Variants in PTPRM observed in about 807,000 individuals in gnomAD.
The protein encoded by PTPRM is receptor-type tyrosine-protein phosphatase mu.
A neutral mutation model predicts 186.7 loss-of-function variants in PTPRM; 47 were observed. That is an observed-to-expected ratio of 0.25 (90% CI 0.20 to 0.32). The LOEUF is 0.32. Among genes scored for constraint, PTPRM ranks in the 10% least tolerant of loss-of-function variants. The pLI is 1.00. For synonymous variants in PTPRM, 668 were observed against 674.9 expected (o/e 0.99, Z 0.16); for missense variants, 1,494 against 1,865.0 (o/e 0.80, Z 3.66).
At chr18:8,261,269 T>C (rs2094628440) in intron 19 of PTPRM, among the ~76,000 whole-genome samples, 1 of 152,208 alleles carries the variant, frequency 6.6e-6, no homozygotes, top group South Asian at 2.1e-4. Context: ...GGGGAGGCAC[T>C]GGCAGGCACT....
intron 21 of PTPRM, among the ~76,000 whole-genome samples, chr18:8,317,812 C>T (rs148064639): frequency 1.6e-4 from 25 of 152,296 alleles, no homozygotes; most frequent in Non-Finnish European, 3.1e-4. Context: ...CTCTGGGTGA[C>T]TTCACCATCA....
intron 22 of PTPRM, among the ~76,000 whole-genome samples, chr18:8,327,491 T>C (rs1598317630): frequency 6.6e-6 from 1 of 152,324 alleles, no homozygotes; most frequent in South Asian, 2.1e-4. Context: ...GCACCACCTG[T>C]CTTGTAGTGA....
intron 2 of PTPRM, among the ~76,000 whole-genome samples, chr18:7,791,062 T>C (rs905768885): frequency 6.6e-6 from 1 of 152,226 alleles, no homozygotes; most frequent in African/African-American, 2.4e-5. Context: ...AAGACTCATC[T>C]TACAAATGTG....
intron 1 of PTPRM, among the ~76,000 whole-genome samples, chr18:7,773,570 G>GTTT (rs10708698): frequency 4.6e-4 from 59 of 129,012 alleles, no homozygotes; most frequent in Non-Finnish European, 7.6e-4. Context: ...TCTTTTCTTT[G>GTTT]TTTTTTTTTT....
chr18:8,386,222 GA>G (rs748593412), intron 30 of PTPRM, among the ~76,000 whole-genome samples: 32 of 152,214 alleles, frequency 2.1e-4, no homozygotes, highest in Non-Finnish European at 4.3e-4. Flanking sequence ...AGAGAGGGCT[GA>G]ACCAGATATA....
At chr18:7,874,065 T>C (rs999720924) in intron 2 of PTPRM, among the ~76,000 whole-genome samples, 1 of 152,024 alleles carries the variant, frequency 6.6e-6, no homozygotes, top group South Asian at 2.1e-4. Flanking sequence ...CAGAACAAGC[T>C]GCAGAGGAAT....
intron 3 of PTPRM, among the ~76,000 whole-genome samples, chr18:7,892,551 C>G (rs959053093): frequency 2.0e-5 from 3 of 152,216 alleles, no homozygotes; most frequent in African/African-American, 7.2e-5. Context: ...TCACTGTCAT[C>G]ACTCACACTT....
At chr18:8,328,890 A>G (rs1026915564) in intron 22 of PTPRM, among the ~76,000 whole-genome samples, 25 of 152,244 alleles carry the variant, frequency 1.6e-4, no homozygotes, top group Non-Finnish European at 3.1e-4. Flanking sequence ...ACTTTCATAG[A>G]CATTTCTCAT....
chr18:8,171,181 GC>G (rs1166242783), intron 14 of PTPRM, among the ~76,000 whole-genome samples: 2 of 152,172 alleles, frequency 1.3e-5, no homozygotes, highest in African/African-American at 4.8e-5. Flanking sequence ...ACCTTTTCCT[GC>G]TAGAGAACTT....
At chr18:8,013,531 G>C (rs994159095) in intron 7 of PTPRM, among the ~76,000 whole-genome samples, 2 of 152,160 alleles carry the variant, frequency 1.3e-5, no homozygotes, top group African/African-American at 4.8e-5. Flanking sequence ...CTTCATCCTG[G>C]TTGTCTTCAG....
chr18:7,966,201 C>T lies in PTPRM; in HGVS notation c.1132+10787C>T, dbSNP rs1006760153. Among the ~76,000 whole-genome samples, 4 of 151,772 alleles carry T rather than the reference C, an allele frequency of 2.6e-5. No homozygotes were observed. In the South Asian group the frequency reaches 8.3e-4, roughly 32 times the overall value. ...ATAAATGGAATTTAAATTATAAATA[C>T]AAGAAATTTTATTAGGAAGTATAGT... On this transcript the variant is annotated intron_variant, in intron 7 of 32. Transcript: ENST00000580170.
At chr18:8,355,776 A>C (rs1397858567) in intron 23 of PTPRM, among the ~76,000 whole-genome samples, 2 of 152,250 alleles carry the variant, frequency 1.3e-5, no homozygotes, top group African/African-American at 4.8e-5. Context: ...TTATAAGCTC[A>C]AAATGTTGAT....
At chr18:7,891,807 G>A (rs1407622490) in intron 3 of PTPRM, among the ~76,000 whole-genome samples, 2 of 151,992 alleles carry the variant, frequency 1.3e-5, no homozygotes, top group African/African-American at 4.8e-5. Context: ...CCAGGGAGGC[G>A]GAGTTTGCAG....
chr18:8,044,246 A>G (rs144367540), intron 7 of PTPRM, among the ~76,000 whole-genome samples: 178 of 152,326 alleles, frequency 1.2e-3, no homozygotes, highest in African/African-American at 4.0e-3. Context: ...ACTTCACCCT[A>G]TGAGAAAAAT....
At chr18:7,862,064 G>T (rs1036333689) in intron 2 of PTPRM, among the ~76,000 whole-genome samples, 1 of 152,244 alleles carries the variant, frequency 6.6e-6, no homozygotes, top group East Asian at 1.9e-4. Flanking sequence ...TTTTCATGCC[G>T]TGTACACCTT....
At chr18:8,078,649 G>C (rs967704639) in intron 9 of PTPRM, among the ~76,000 whole-genome samples, 2 of 152,154 alleles carry the variant, frequency 1.3e-5, no homozygotes, top group African/African-American at 4.8e-5. Flanking sequence ...TGGCTATAAA[G>C]AAATGCCAGA....
chr18:7,882,948 C>G (rs1045974048), intron 2 of PTPRM, among the ~76,000 whole-genome samples: 25 of 152,100 alleles, frequency 1.6e-4, no homozygotes, highest in Admixed American at 1.6e-3. Context: ...TTTAATTCAC[C>G]CAGAGATTTG....
At chr18:8,312,720 A>G (rs1182274937) in intron 20 of PTPRM, among the ~76,000 whole-genome samples, 1 of 152,062 alleles carries the variant, frequency 6.6e-6, no homozygotes, top group East Asian at 1.9e-4. Context: ...TCTCACCCAC[A>G]CACTCGACCC....
At chr18:7,911,726 A>C (rs970728449) in intron 4 of PTPRM, among the ~76,000 whole-genome samples, 1 of 149,584 alleles carries the variant, frequency 6.7e-6, no homozygotes, top group Non-Finnish European at 1.5e-5. Context: ...AATTTTGATA[A>C]AGTCCAATTT....
Sources: gnomAD v4.1 joint callset for allele counts (sites outside exome capture counted in the v4.1 genomes callset) on GRCh38, gnomAD v4.1.1 for gene constraint, MANE v1.5 for transcripts, NCBI Gene and HGNC (gene_info 2026-07-23, HGNC 2026-07-21) for gene names.